DIP2C: variants seen among roughly 807,000 people sequenced by gnomAD.
The protein encoded by DIP2C is DIP2 acetate--CoA ligase C (putative), also known as disco-interacting protein 2 homolog C.
Under a neutral mutation model 192.4 loss-of-function variants are expected in DIP2C, and 33 were observed. The observed-to-expected ratio is 0.17, with a 90% CI of 0.13 to 0.23. DIP2C has a LOEUF of 0.23. DIP2C is among the 10% of genes least tolerant of loss of function. The probability of loss-of-function intolerance (pLI) is 1.00; values close to 1 mark genes in which losing one functional copy is unlikely to be tolerated. For missense variants in DIP2C, 1,537 were observed against 2,110.1 expected, an observed-to-expected ratio of 0.73 and a Z score of 5.32; for synonymous variants, 979 against 864.1, an observed-to-expected ratio of 1.13 and a Z score of -2.33.
chr10:495,539 TTC>T (rs1484491556), intron 1 of DIP2C, among the ~76,000 whole-genome samples: 1 of 151,508 alleles, frequency 6.6e-6, no homozygotes, highest in African/African-American at 2.4e-5. Context: ...GTGGAAAAAA[TTC>T]TGTTTCTTCT....
intron 1 of DIP2C, among the ~76,000 whole-genome samples, chr10:578,995 A>G (rs1270200835): frequency 6.6e-6 from 1 of 152,098 alleles, no homozygotes; most frequent in Non-Finnish European, 1.5e-5. Flanking sequence ...ATATGTAGGT[A>G]CACTATAACG....
intron 1 of DIP2C, among the ~76,000 whole-genome samples, chr10:575,722 G>A (rs1850108239): frequency 6.6e-6 from 1 of 152,234 alleles, no homozygotes; most frequent in South Asian, 2.1e-4. Flanking sequence ...GGAAGTCATA[G>A]GGAGGGCAGG....
intron 1 of DIP2C, among the ~76,000 whole-genome samples, chr10:589,323 A>G (rs1331071634): frequency 6.6e-6 from 1 of 152,034 alleles, no homozygotes; most frequent in Non-Finnish European, 1.5e-5. Context: ...TTTATATTAA[A>G]AGTTTAATTT....
chr10:362,104 T>A (rs2132718877), intron 22 of DIP2C, among the ~76,000 whole-genome samples: 1 of 150,886 alleles, frequency 6.6e-6, no homozygotes, highest in East Asian at 1.9e-4. Context: ...TTTAAGGAAA[T>A]CTGCAACATA....
intron 1 of DIP2C, chr10:669,679 AT>A (rs916567977): frequency 6.6e-6 from 1 of 152,242 alleles, no homozygotes; most frequent in Non-Finnish European, 1.5e-5. Context: ...GTTTCCCTGA[AT>A]TCTCACAACT....
At chr10:391,979 T>A (rs1466381137) in intron 10 of DIP2C, among the ~76,000 whole-genome samples, 1 of 152,204 alleles carries the variant, frequency 6.6e-6, no homozygotes, top group Non-Finnish European at 1.5e-5. Context: ...TCTGTGGAAT[T>A]TTCATGGAGC....
At chr10:321,557 GTTAGAACAGTCAGTCGGGGGTGC>G in intron 31 of DIP2C, among the ~76,000 whole-genome samples, 1 of 130,084 alleles carries the variant, frequency 7.7e-6, no homozygotes, top group African/African-American at 2.9e-5. Flanking sequence ...GACCGGCGCT[GTTAGAACAGTCAGTCGGGGGTGC>G]GGGGCTCCAG....
At chr10:461,246 A>T (rs920762210) in intron 3 of DIP2C, among the ~76,000 whole-genome samples, 19 of 152,224 alleles carry the variant, frequency 1.2e-4, no homozygotes, top group Non-Finnish European at 2.8e-4. Context: ...ATTAAAAGAC[A>T]CAGACTGGCA....
chr10:364,317 A>G, intron 20 of DIP2C, 57 bp downstream of exon 20: 2 of 1,564,218 alleles, frequency 1.3e-6, no homozygotes, highest in Admixed American at 1.8e-5. Context: ...CTTCAAAACC[A>G]CATAAAAAAT....
chr10:479,955 C>A (rs10904317), intron 2 of DIP2C, among the ~76,000 whole-genome samples: 76,126 of 109,512 alleles, frequency 0.7, 26,727 homozygotes, highest in East Asian at 0.83. Context: ...CCAGCCTGAG[C>A]CCCGGTCCAT....
intron 3 of DIP2C, among the ~76,000 whole-genome samples, chr10:441,376 C>T (rs1240163219): frequency 6.7e-6 from 1 of 149,890 alleles, no homozygotes; most frequent in Non-Finnish European, 1.5e-5. Flanking sequence ...CAACTCACAG[C>T]CACGGTCACA....
intron 1 of DIP2C, among the ~76,000 whole-genome samples, chr10:674,527 T>A (rs184999884): frequency 5.3e-5 from 8 of 151,990 alleles, no homozygotes; most frequent in Non-Finnish European, 1.2e-4. Context: ...CCCAGCACTT[T>A]GGGGGGCAGA....
At chr10:574,542 G>A (rs1459937028) in intron 1 of DIP2C, among the ~76,000 whole-genome samples, 5 of 145,904 alleles carry the variant, frequency 3.4e-5, no homozygotes, top group Admixed American at 3.4e-4. Context: ...GATCGTGGTG[G>A]GGCACCCTGA....
At chr10:452,594 C>T (rs981138832) in intron 3 of DIP2C, among the ~76,000 whole-genome samples, 1 of 152,206 alleles carries the variant, frequency 6.6e-6, no homozygotes, top group Non-Finnish European at 1.5e-5. Flanking sequence ...AAATGGACAG[C>T]GCTTTGTCGA....
At chr10:560,811 G>T (rs532778593) in intron 1 of DIP2C, among the ~76,000 whole-genome samples, 2 of 152,074 alleles carry the variant, frequency 1.3e-5, no homozygotes, top group Admixed American at 6.5e-5. Context: ...TGATCGGTGG[G>T]GGGTGGGACT....
chr10:378,646 GACACACATGAACAGATATGCCTAGGC>G (rs755631053), intron 17 of DIP2C, among the ~76,000 whole-genome samples: 77 of 150,280 alleles, frequency 5.1e-4, no homozygotes, highest in Admixed American at 7.9e-4. Flanking sequence ...CATGCATAAA[GACACACATGAACAGATATGCCTAGGC>G]ACACATGAAC....
chr10:408,853 T>C lies in DIP2C; in HGVS notation c.1149+73A>G. 3.4e-6 allele frequency: 5 copies of C among 1,467,870 alleles called. No homozygotes were observed. In the South Asian group the frequency reaches 6.1e-5, roughly 18 times the overall value. 90.9% of individuals were successfully genotyped at this position (1,467,870 alleles called of 1,614,324 possible). A position where few individuals can be genotyped will look rare whatever the true frequency, so the allele number is the denominator to read the frequency against. On this transcript the variant is annotated intron_variant, in intron 9 of 36. Coordinates refer to ENST00000280886, the MANE Select transcript of DIP2C (RefSeq NM_014974.3). Reference sequence around the variant, plus strand: ...GTGGAGGTGGCGCTGAACTCTGTAATGTTTAAACAGTGGGCACCTTTTCCC... The same window carrying C: ...GTGGAGGTGGCGCTGAACTCTGTAACGTTTAAACAGTGGGCACCTTTTCCC...
At chr10:370,790 G>C (rs1200288452) in intron 17 of DIP2C, among the ~76,000 whole-genome samples, 1 of 152,170 alleles carries the variant, frequency 6.6e-6, no homozygotes, top group Non-Finnish European at 1.5e-5. Flanking sequence ...CTATAAGTTA[G>C]CTGTTTAACT....
At chr10:391,936 A>G (rs1401522021) in intron 10 of DIP2C, among the ~76,000 whole-genome samples, 1 of 152,156 alleles carries the variant, frequency 6.6e-6, no homozygotes, top group African/African-American at 2.4e-5. Context: ...TACTTTTCTT[A>G]TTGTAGATTT....
Sources: gnomAD v4.1 joint callset for allele counts (sites outside exome capture counted in the v4.1 genomes callset) on GRCh38, gnomAD v4.1.1 for gene constraint, MANE v1.5 for transcripts, NCBI Gene and HGNC (gene_info 2026-07-23, HGNC 2026-07-21) for gene names.